PRR5: variants seen among roughly 807,000 people sequenced by gnomAD.
The protein encoded by PRR5 is proline-rich protein 5.
PRR5 carries 25 observed loss-of-function variants against 30.6 expected under a neutral mutation model. That is an observed-to-expected ratio of 0.82 (90% CI 0.60 to 1.14). PRR5 has a LOEUF of 1.14. Among genes scored for constraint, PRR5 ranks in the 50% most tolerant of loss-of-function variants. The probability of loss-of-function intolerance (pLI) is 0.00; values close to 1 mark genes in which losing one functional copy is unlikely to be tolerated. For synonymous variants in PRR5, 286 were observed against 247.1 expected, an observed-to-expected ratio of 1.16 and a Z score of -1.48; for missense variants, 600 against 547.1, an observed-to-expected ratio of 1.10 and a Z score of -0.96.
chr22:44,723,520 G>A (rs566182355), intron 2 of PRR5, among the ~76,000 whole-genome samples: 27 of 152,010 alleles, frequency 1.8e-4, no homozygotes, highest in African/African-American at 6.5e-4. Context: ...AGGAGTTTGA[G>A]ACCAGCCTGG....
intron 1 of PRR5, among the ~76,000 whole-genome samples, chr22:44,696,720 C>CTTATTTATTTATTTAT: frequency 1.2e-5 from 1 of 84,544 alleles, no homozygotes; most frequent in Non-Finnish European, 2.3e-5. Context: ...CATGAACTTA[C>CTTATTTATTTATTTAT]GTATTTATTT....
chr22:44,712,952 A>T (rs965907369), intron 1 of PRR5, among the ~76,000 whole-genome samples: 1 of 152,172 alleles, frequency 6.6e-6, no homozygotes, highest in African/African-American at 2.4e-5. Flanking sequence ...CTTGCAGGTG[A>T]TGGCCTCTGA....
intron 1 of PRR5, among the ~76,000 whole-genome samples, chr22:44,677,936 G>T (rs1923909569): frequency 6.6e-6 from 1 of 152,190 alleles, no homozygotes; most frequent in Non-Finnish European, 1.5e-5. Flanking sequence ...TTCCAGAGAG[G>T]CCCTGGCAGG....
At chr22:44,679,522 T>G in intron 1 of PRR5, 1 of 265,064 alleles carries the variant, frequency 3.8e-6, no homozygotes, top group East Asian at 8.5e-5. Flanking sequence ...CGGACCAACA[T>G]GGAGAAACCC....
chr22:44,709,029 T>A (rs1199462302), intron 1 of PRR5, among the ~76,000 whole-genome samples: 1 of 150,558 alleles, frequency 6.6e-6, no homozygotes, highest in African/African-American at 2.5e-5. Context: ...ATGCAGTGAT[T>A]TGGGACGGAA....
upstream of PRR5, among the ~76,000 whole-genome samples, chr22:44,701,506 G>A (rs1345034455): frequency 6.6e-6 from 1 of 152,248 alleles, no homozygotes; most frequent in African/African-American, 2.4e-5. Flanking sequence ...CTGCGAAGCA[G>A]GCAGGAAGCA....
chr22:44,675,799 C>A (rs136920), upstream of PRR5, among the ~76,000 whole-genome samples: 2 of 123,986 alleles, frequency 1.6e-5, no homozygotes, highest in South Asian at 2.6e-4. Context: ...ATTATTATTA[C>A]TTAGGTCACA....
chr22:44,718,962 C>T (rs557242560), intron 2 of PRR5, among the ~76,000 whole-genome samples: 77 of 152,262 alleles, frequency 5.1e-4, no homozygotes, highest in African/African-American at 1.8e-3. Context: ...CACTTTATTT[C>T]TGTGTCCTTT....
At chr22:44,702,037 C>T (rs1214104519), upstream of PRR5, among the ~76,000 whole-genome samples, 2 of 152,100 alleles carry the variant, frequency 1.3e-5, no homozygotes, top group Admixed American at 6.5e-5. Flanking sequence ...GAGGGCAGAC[C>T]CAGCGAGGCG....
Position 44,736,852 on chromosome 22 carries a change from C to A in PRR5, c.772C>A (p.Pro258Thr). The A allele has an allele frequency of 6.2e-7, 1 of 1,606,706 alleles. No individual in the cohort carries two copies. Among genetic ancestry groups the A allele is most frequent in the South Asian group, 1.1e-5 (1 of 90,830 alleles). ...PVVRSKSYNTPLLNPVQEHEA... is the reference protein window; with the variant it reads ...PVVRSKSYNTTLLNPVQEHEA... ...GGTGCGCTCCAAGAGCTACAACACGCCTCTGCTGAACCCCGTGCAGGAGCA... is the reference window on the plus strand; with the variant it reads ...GGTGCGCTCCAAGAGCTACAACACGACTCTGCTGAACCCCGTGCAGGAGCA... Residue 258 changes from proline to threonine, a missense_variant, in exon 8 of 8, where the codon CCT becomes ACT. By Grantham distance (38) the Pro-to-Thr change is conservative (BLOSUM62 -1). Transcript: ENST00000336985.
intron 4 of PRR5, chr22:44,729,584 A>G (rs566887926): frequency 1.0e-6 from 1 of 985,408 alleles, no homozygotes; most frequent in African/African-American, 1.7e-5. Context: ...CCTTTCATAG[A>G]GGATGCCACT....
At chr22:44,694,621 C>G (rs1373015772) in intron 1 of PRR5, among the ~76,000 whole-genome samples, 1 of 152,144 alleles carries the variant, frequency 6.6e-6, no homozygotes, top group Non-Finnish European at 1.5e-5. Flanking sequence ...GCCCTCCTGC[C>G]TGAGTTTGAA....
intron 7 of PRR5, among the ~76,000 whole-genome samples, chr22:44,736,060 A>G (rs926551272): frequency 6.6e-6 from 1 of 152,160 alleles, no homozygotes; most frequent in Non-Finnish European, 1.5e-5. Context: ...AGGGTCCTGC[A>G]TGGGAACCTG....
At chr22:44,700,670 G>A (rs541121235), upstream of PRR5, among the ~76,000 whole-genome samples, 2 of 152,254 alleles carry the variant, frequency 1.3e-5, no homozygotes, top group East Asian at 3.9e-4. Context: ...AGTTTATAAA[G>A]CACCTGTTGC....
chr22:44,727,630 A>C (rs914561485), intron 4 of PRR5, among the ~76,000 whole-genome samples: 2 of 152,152 alleles, frequency 1.3e-5, no homozygotes, highest in Admixed American at 1.3e-4. Context: ...CAAGCAGGCC[A>C]CCGGGTCCCG....
intron 1 of PRR5, among the ~76,000 whole-genome samples, chr22:44,696,389 C>T (rs978940213): frequency 1.3e-5 from 2 of 152,154 alleles, no homozygotes; most frequent in African/African-American, 4.8e-5. Context: ...AAAACACCTG[C>T]CCCAGAAGAG....
intron 2 of PRR5, among the ~76,000 whole-genome samples, chr22:44,718,085 C>T (rs1418586933): frequency 5.3e-5 from 8 of 152,154 alleles, no homozygotes; most frequent in Admixed American, 1.3e-4. Flanking sequence ...ATATCGCATC[C>T]ACCTCGGCTG....
upstream of PRR5, chr22:44,702,183 CCCGCCCCCGGGT>C (rs777318229): frequency 1.8e-5 from 17 of 938,220 alleles, no homozygotes; most frequent in Admixed American, 1.7e-4. Context: ...CGCCCCTGGG[CCCGCCCCCGGGT>C]CCGCCCCCGG....
intron 1 of PRR5, 46 bp from the exon 2 acceptor site, chr22:44,714,545 G>T: frequency 6.2e-7 from 1 of 1,606,016 alleles, no homozygotes; most frequent in Middle Eastern, 1.7e-4. Context: ...CAACCAGGGG[G>T]CTCTCAGACC....
Sources: gnomAD v4.1 joint callset for allele counts (sites outside exome capture counted in the v4.1 genomes callset) on GRCh38, gnomAD v4.1.1 for gene constraint, MANE v1.5 for transcripts, NCBI Gene and HGNC (gene_info 2026-07-23, HGNC 2026-07-21) for gene names.